Variants in GGTA1 observed in about 807,000 individuals in gnomAD.
The protein encoded by GGTA1 is inactive N-acetyllactosaminide alpha-1,3-galactosyltransferase.
A neutral mutation model predicts 2.6 loss-of-function variants in GGTA1; 5 were observed. The observed-to-expected ratio is 1.92, with a 90% confidence interval of 1.00 to 4.04. GGTA1 has a LOEUF of 4.04. Ranked by LOEUF, GGTA1 falls within the 30% of genes most tolerant of loss-of-function variation. The pLI is 0.00. For missense variants in GGTA1, 50 were observed against 16.7 expected, an observed-to-expected ratio of 2.99 and a Z score of -3.47; for synonymous variants, 17 against 5.0, an observed-to-expected ratio of 3.38 and a Z score of -3.19.
At chr9:121,475,693 A>G (rs1828495627) in intron 1 of GGTA1, among the ~76,000 whole-genome samples, 1 of 152,224 alleles carries the variant, frequency 6.6e-6, no homozygotes, top group Non-Finnish European at 1.5e-5. Flanking sequence ...CTTCTGTTCC[A>G]ATGGGAGTCA....
chr9:121,472,417 A>T (rs1828412024), intron 1 of GGTA1, among the ~76,000 whole-genome samples: 1 of 152,120 alleles, frequency 6.6e-6, no homozygotes, highest in Non-Finnish European at 1.5e-5. Context: ...GAAAAAAAAA[A>T]GTCCACTAGT....
chr9:121,460,653 T>C (rs1411783627), intron 4 of GGTA1, among the ~76,000 whole-genome samples: 1 of 152,136 alleles, frequency 6.6e-6, no homozygotes, highest in African/African-American at 2.4e-5. Context: ...GAGACCAGCC[T>C]GGCCAACGTG....
chr9:121,464,183 C>G (rs1275867235), intron 2 of GGTA1, among the ~76,000 whole-genome samples: 3 of 152,208 alleles, frequency 2.0e-5, no homozygotes, highest in African/African-American at 4.8e-5. Flanking sequence ...AGCCTCCACT[C>G]AAATGCCACC....
chr9:121,468,213 C>G (rs1328480436), intron 1 of GGTA1, among the ~76,000 whole-genome samples: 1 of 152,190 alleles, frequency 6.6e-6, no homozygotes, highest in Non-Finnish European at 1.5e-5. Context: ...TGTTCCCCTC[C>G]CTGTGTCCAG....
At chr9:121,450,407 T>G (rs531734604), downstream of GGTA1, among the ~76,000 whole-genome samples, 1 of 152,250 alleles carries the variant, frequency 6.6e-6, no homozygotes, top group African/African-American at 2.4e-5. Context: ...GCACTGCAGT[T>G]GGCTCCATGC....
chr9:121,487,641 G>A (rs551630579), intron 1 of GGTA1, among the ~76,000 whole-genome samples: 1 of 148,646 alleles, frequency 6.7e-6, no homozygotes, highest in Non-Finnish European at 1.5e-5. Context: ...GCGCACTAGC[G>A]CCCACCCTTG....
intron 1 of GGTA1, among the ~76,000 whole-genome samples, chr9:121,471,451 A>G (rs1828386870): frequency 6.6e-6 from 1 of 152,244 alleles, no homozygotes; most frequent in African/African-American, 2.4e-5. Flanking sequence ...AATGATACTT[A>G]AATTTGTTCT....
chr9:121,474,041 A>G (rs1589333313), intron 1 of GGTA1, among the ~76,000 whole-genome samples: 1 of 151,916 alleles, frequency 6.6e-6, no homozygotes, highest in East Asian at 1.9e-4. Flanking sequence ...GGAAAGAAAG[A>G]AAGAAAAGAA....
downstream of GGTA1, among the ~76,000 whole-genome samples, chr9:121,453,704 T>G (rs2064890389): frequency 6.6e-6 from 1 of 152,166 alleles, no homozygotes; most frequent in Non-Finnish European, 1.5e-5. Flanking sequence ...GCCGTGGTCC[T>G]GGTGAGGCTG....
intron 1 of GGTA1, among the ~76,000 whole-genome samples, chr9:121,483,150 A>G (rs1336513345): frequency 6.6e-6 from 1 of 152,044 alleles, no homozygotes; most frequent in East Asian, 1.9e-4. Flanking sequence ...TTTTATCTCA[A>G]TGGATCATCA....
chr9:121,496,757 A>AAAAAAAAAAAAGAG (rs1554838784), intron 1 of GGTA1, among the ~76,000 whole-genome samples: 18 of 111,978 alleles, frequency 1.6e-4, no homozygotes, highest in Non-Finnish European at 2.3e-4. Flanking sequence ...AAAAAAAAAA[A>AAAAAAAAAAAAGAG]AGAGAGAGAG....
chr9:121,483,710 T>C (rs1828700508), intron 1 of GGTA1, among the ~76,000 whole-genome samples: 1 of 152,168 alleles, frequency 6.6e-6, no homozygotes, highest in African/African-American at 2.4e-5. Context: ...TGGAGAATTA[T>C]AGGGCCTCAC....
chr9:121,468,563 T>C (rs1234265138), intron 1 of GGTA1, among the ~76,000 whole-genome samples: 1 of 152,200 alleles, frequency 6.6e-6, no homozygotes, highest in Non-Finnish European at 1.5e-5. Flanking sequence ...TCAACTGGTA[T>C]TTCTGGTTCT....
intron 1 of GGTA1, among the ~76,000 whole-genome samples, chr9:121,481,152 CAAAAA>C (rs56784223): frequency 2.5e-5 from 2 of 78,558 alleles, no homozygotes; most frequent in Admixed American, 1.6e-4. Flanking sequence ...GACACCATCT[CAAAAA>C]AAAAAAAAAA....
chr9:121,485,808 C>T (rs1420769332), intron 1 of GGTA1, among the ~76,000 whole-genome samples: 1 of 152,276 alleles, frequency 6.6e-6, no homozygotes, highest in Non-Finnish European at 1.5e-5. Flanking sequence ...AAGGTCCCCT[C>T]CCCTCTGCAC....
At chr9:121,466,663 T>A (rs2065006929) in intron 2 of GGTA1, among the ~76,000 whole-genome samples, 1 of 152,012 alleles carries the variant, frequency 6.6e-6, no homozygotes, top group South Asian at 2.1e-4. Context: ...AATTTAAGAA[T>A]CAAAAGAGGC....
At chr9:121,459,272 C>A (rs1447362561) in intron 5 of GGTA1, among the ~76,000 whole-genome samples, 1 of 152,096 alleles carries the variant, frequency 6.6e-6, no homozygotes, top group African/African-American at 2.4e-5. Context: ...ACCTGGACAA[C>A]ATAGTAAGAC....
chr9:121,494,813 C>T (rs10760178), intron 1 of GGTA1: 79,631 of 152,406 alleles, frequency 0.52, 21,283 homozygotes, highest in South Asian at 0.65. Flanking sequence ...AAAGCAAGAC[C>T]TCATCTTTTA....
At chr9:121,466,750 C>G (rs2065007485) in intron 2 of GGTA1, among the ~76,000 whole-genome samples, 1 of 152,006 alleles carries the variant, frequency 6.6e-6, no homozygotes, top group Non-Finnish European at 1.5e-5. Flanking sequence ...GTCAGGAGTT[C>G]AAGACCAGCC....
Sources: gnomAD v4.1 joint callset for allele counts (sites outside exome capture counted in the v4.1 genomes callset) on GRCh38, gnomAD v4.1.1 for gene constraint, MANE v1.5 for transcripts, NCBI Gene and HGNC (gene_info 2026-07-23, HGNC 2026-07-21) for gene names.